Variants in FAM13A observed in about 807,000 individuals in gnomAD.
FAM13A encodes family with sequence similarity 13 member A.
A neutral mutation model predicts 129.6 loss-of-function variants in FAM13A; 76 were observed. That is an observed-to-expected ratio of 0.59 (90% confidence interval 0.49 to 0.71). The LOEUF is 0.71. FAM13A is among the 30% of genes least tolerant of loss of function. The probability of loss-of-function intolerance (pLI) is 0.00; values close to 1 mark genes in which losing one functional copy is unlikely to be tolerated. For missense variants in FAM13A, 1,108 were observed against 1,249.3 expected, an observed-to-expected ratio of 0.89 and a Z score of 1.70; for synonymous variants, 443 against 449.9, an observed-to-expected ratio of 0.98 and a Z score of 0.20.
chr4:88,922,540 A>C (rs1351403809), intron 5 of FAM13A, among the ~76,000 whole-genome samples: 3 of 152,134 alleles, frequency 2.0e-5, no homozygotes, highest in Non-Finnish European at 4.4e-5. Context: ...TCTCTGGGAC[A>C]CATTCAAAGC....
At chr4:88,861,201 C>A (rs1342589654) in intron 6 of FAM13A, among the ~76,000 whole-genome samples, 1 of 151,652 alleles carries the variant, frequency 6.6e-6, no homozygotes, top group Non-Finnish European at 1.5e-5. Context: ...GTCAACATGG[C>A]AAAACCCCAT....
At position 88,870,839 on chromosome 4, in the gene FAM13A, G is replaced by A. The variant is rs191806612; in HGVS notation, c.844-19656C>T. 1.8e-3 allele frequency among the ~76,000 whole-genome samples: 278 copies of A among 152,340 alleles called. 6 individuals are homozygous for A. The highest frequency in any genetic ancestry group is 0.017 in the Admixed American group (254 of 15,306). ...CTCCTCAAGTGGGTCCCAGAACTCT[G>A]TGTAGCCTAACTGGGAGACACCTCC... On this transcript the variant is annotated intron_variant, in intron 6 of 23. Coordinates refer to ENST00000264344, the MANE Select transcript of FAM13A (RefSeq NM_014883.4).
chr4:89,020,365 C>A (rs555905305), intron 3 of FAM13A, 95 bp downstream of exon 3: 6 of 798,356 alleles, frequency 7.5e-6, no homozygotes, highest in Non-Finnish European at 1.2e-5. Context: ...AATCTTTCTA[C>A]CTCAGCCTCC....
intron 4 of FAM13A, among the ~76,000 whole-genome samples, chr4:88,971,077 GGGCGCCTGTAGGCA>G (rs1382070819): frequency 2.0e-5 from 3 of 152,214 alleles, no homozygotes; most frequent in African/African-American, 7.2e-5. Flanking sequence ...GCGTGGTGGC[GGGCGCCTGTAGGCA>G]GGAGAAGCTG....
intron 5 of FAM13A, among the ~76,000 whole-genome samples, chr4:88,921,148 C>T (rs1751011947): frequency 6.6e-6 from 1 of 152,120 alleles, no homozygotes; most frequent in Non-Finnish European, 1.5e-5. Context: ...TCCAGGAGAA[C>T]TTCCCCAATC....
At chr4:88,927,655 T>A (rs1331939075) in intron 5 of FAM13A, among the ~76,000 whole-genome samples, 1 of 152,090 alleles carries the variant, frequency 6.6e-6, no homozygotes, top group Non-Finnish European at 1.5e-5. Context: ...CTATAGTTGT[T>A]CATAATAGTC....
At chr4:88,978,239 TA>T (rs1259347878) in intron 4 of FAM13A, among the ~76,000 whole-genome samples, 1 of 152,228 alleles carries the variant, frequency 6.6e-6, no homozygotes, top group African/African-American at 2.4e-5. Context: ...AGTTCTATTT[TA>T]ACTCTGTAAT....
rs114831088 is a variant in FAM13A at position 88,916,599 on chromosome 4, A to G, written c.760-10137T>C. ...TATTTGCACAGAGGTTTAAATAATT[A>G]TCCACTACCATATGCAAGTGTGCAA... On this transcript the variant is annotated intron_variant, in intron 5 of 23. Transcript: ENST00000264344. Among the ~76,000 whole-genome samples the G allele has an allele frequency of 2.9e-3, 439 of 152,318 alleles. 3 individuals are homozygous for G. The highest frequency in any genetic ancestry group is 9.7e-3 in the African/African-American group (404 of 41,572).
intron 1 of FAM13A, among the ~76,000 whole-genome samples, chr4:89,030,452 C>T (rs545020488): frequency 1.0e-3 from 155 of 152,006 alleles, no homozygotes; most frequent in South Asian, 8.1e-3. Flanking sequence ...GTTAATAAAT[C>T]CAAACACTGA....
intron 11 of FAM13A, among the ~76,000 whole-genome samples, chr4:88,776,800 C>G (rs1002324060): frequency 6.6e-6 from 1 of 152,014 alleles, no homozygotes; most frequent in South Asian, 2.1e-4. Flanking sequence ...CATGGTGAAA[C>G]CCCATCTCCA....
At chr4:88,864,696 C>A (rs1217519198) in intron 6 of FAM13A, among the ~76,000 whole-genome samples, 1 of 152,182 alleles carries the variant, frequency 6.6e-6, no homozygotes, top group Non-Finnish European at 1.5e-5. Context: ...CATGAGCCAC[C>A]ATGCCCGGCC....
chr4:88,850,557 A>G (rs1737395123), intron 7 of FAM13A, among the ~76,000 whole-genome samples: 1 of 148,536 alleles, frequency 6.7e-6, no homozygotes, highest in South Asian at 2.1e-4. Context: ...ACTGTGTCTC[A>G]AAAAAAAAAA....
chr4:88,897,619 T>C (rs1746576296), intron 6 of FAM13A, among the ~76,000 whole-genome samples: 1 of 152,096 alleles, frequency 6.6e-6, no homozygotes, highest in African/African-American at 2.4e-5. Flanking sequence ...CAAATACGGC[T>C]GTAACTAAAG....
At chr4:89,006,985 G>A (rs1765131269) in intron 3 of FAM13A, among the ~76,000 whole-genome samples, 1 of 152,070 alleles carries the variant, frequency 6.6e-6, no homozygotes, top group African/African-American at 2.4e-5. Flanking sequence ...CAGGATAGGG[G>A]GGCAGGATAG....
chr4:88,955,365 C>T (rs940347241), intron 4 of FAM13A, among the ~76,000 whole-genome samples: 1 of 152,092 alleles, frequency 6.6e-6, no homozygotes, highest in African/African-American at 2.4e-5. Context: ...TTGTAAGTTT[C>T]CTGAGGCCTC....
At chr4:88,751,141 C>T (rs1742515913) in intron 14 of FAM13A, among the ~76,000 whole-genome samples, 1 of 152,168 alleles carries the variant, frequency 6.6e-6, no homozygotes, top group Admixed American at 6.5e-5. Flanking sequence ...ACTGGGGAGG[C>T]TGAGGCACGA....
intron 4 of FAM13A, among the ~76,000 whole-genome samples, chr4:88,961,743 T>C (rs1758656589): frequency 6.6e-6 from 1 of 152,166 alleles, no homozygotes; most frequent in African/African-American, 2.4e-5. Context: ...TGATAGATGT[T>C]AACTGTATCT....
chr4:88,944,999 T>C (rs1190548771), intron 4 of FAM13A, among the ~76,000 whole-genome samples: 1 of 152,182 alleles, frequency 6.6e-6, no homozygotes, highest in Non-Finnish European at 1.5e-5. Flanking sequence ...GCTGCACTTA[T>C]GTAAATACCT....
chr4:88,996,002 C>T (rs1763492010), intron 3 of FAM13A, among the ~76,000 whole-genome samples: 1 of 152,140 alleles, frequency 6.6e-6, no homozygotes, highest in African/African-American at 2.4e-5. Context: ...AGGGAGGCCC[C>T]TCTGATACCA....
Sources: allele counts gnomAD v4.1 joint callset (sites outside exome capture counted in the v4.1 genomes callset), GRCh38; gene constraint gnomAD v4.1.1; transcripts MANE v1.5; gene names NCBI Gene and HGNC (gene_info 2026-07-23, HGNC 2026-07-21).